The following ABLIM1 variants were observed in gnomAD, a reference collection of about 807,000 sequenced individuals.
ABLIM1 encodes the protein actin binding LIM protein 1.
ABLIM1 carries 40 observed loss-of-function variants against 107.0 expected under a neutral mutation model. The observed-to-expected ratio is 0.37, with a 90% CI of 0.29 to 0.49. ABLIM1 has a LOEUF of 0.49. ABLIM1 is among the 20% of genes least tolerant of loss of function. The pLI, the probability that ABLIM1 is intolerant of heterozygous loss-of-function variation, is 0.97. For synonymous variants in ABLIM1, 357 were observed against 357.3 expected, an observed-to-expected ratio of 1.00 and a Z score of 0.01; for missense variants, 857 against 1,008.5, an observed-to-expected ratio of 0.85 and a Z score of 2.04.
At chr10:114,533,062 A>G (rs900824569) in intron 6 of ABLIM1, among the ~76,000 whole-genome samples, 10 of 152,224 alleles carry the variant, frequency 6.6e-5, no homozygotes, top group Non-Finnish European at 1.2e-4. Flanking sequence ...TAAACTGGCC[A>G]GGTGCAGTGG....
chr10:114,547,124 G>T (rs2067452491), intron 5 of ABLIM1, among the ~76,000 whole-genome samples: 1 of 147,594 alleles, frequency 6.8e-6, no homozygotes, highest in South Asian at 2.2e-4. Context: ...AAAGGTATAC[G>T]GTGGAAAATT....
At chr10:114,787,430 G>A in the ABLIM1 span, among the ~76,000 whole-genome samples, 2 of 150,256 alleles carry the variant, frequency 1.3e-5, no homozygotes, top group Non-Finnish European at 3.0e-5. Context: ...CGCCCGGCCA[G>A]CCGCCCCATC....
intron 2 of ABLIM1, chr10:114,595,145 A>C (rs1259722265): frequency 1.3e-5 from 2 of 152,070 alleles, no homozygotes. Context: ...TGGCAAAAAA[A>C]AAAAAAAATA....
At chr10:114,659,178 AG>A (rs540690706), upstream of ABLIM1, among the ~76,000 whole-genome samples, 78 of 152,264 alleles carry the variant, frequency 5.1e-4, 2 homozygotes, top group South Asian at 0.016. Flanking sequence ...AGGCCATCAA[AG>A]GTAATCTAGT....
chr10:114,486,552 A>G (rs2058214598), intron 8 of ABLIM1, among the ~76,000 whole-genome samples: 1 of 152,216 alleles, frequency 6.6e-6, no homozygotes, highest in Admixed American at 6.5e-5. Context: ...CCCAGAGTCT[A>G]GAGCCCACAA....
intron 1 of ABLIM1, among the ~76,000 whole-genome samples, chr10:114,617,732 G>A (rs891335020): frequency 1.3e-5 from 2 of 152,102 alleles, no homozygotes; most frequent in African/African-American, 2.4e-5. Flanking sequence ...TGAAATTTTC[G>A]CACACTATTT....
At chr10:114,445,167 T>A (rs558134951) in intron 16 of ABLIM1, 145 bp downstream of exon 16, 1 of 682,790 alleles carries the variant, frequency 1.5e-6, no homozygotes, top group East Asian at 2.6e-5. Context: ...ACACCTGTCT[T>A]GCCTTGCCTG....
At chr10:114,636,188 G>A (rs185664213) in intron 1 of ABLIM1, among the ~76,000 whole-genome samples, 23 of 152,276 alleles carry the variant, frequency 1.5e-4, no homozygotes, top group Middle Eastern at 3.4e-3. Flanking sequence ...ACGTAATGAC[G>A]GGTCAAGTGC....
At chr10:114,720,485 C>T (rs2081815569) in intron 1 of ABLIM1, among the ~76,000 whole-genome samples, 1 of 152,126 alleles carries the variant, frequency 6.6e-6, no homozygotes, top group African/African-American at 2.4e-5. Flanking sequence ...TTTACTTTCC[C>T]AACAACAGTG....
intron 4 of ABLIM1, among the ~76,000 whole-genome samples, chr10:114,559,516 G>A (rs574799598): frequency 4.1e-4 from 62 of 151,040 alleles, no homozygotes; most frequent in Non-Finnish European, 8.1e-4. Flanking sequence ...ACCTTCATGA[G>A]TGAAAAGTTC....
At chr10:114,641,187 C>A (rs1276629249) in intron 1 of ABLIM1, among the ~76,000 whole-genome samples, 1 of 146,290 alleles carries the variant, frequency 6.8e-6, no homozygotes, top group Admixed American at 7.1e-5. Context: ...TAGACCCCCT[C>A]CTGATATTTT....
chr10:114,519,629 T>C (rs914617722), intron 6 of ABLIM1, among the ~76,000 whole-genome samples: 1 of 152,220 alleles, frequency 6.6e-6, no homozygotes, highest in African/African-American at 2.4e-5. Flanking sequence ...AGAAGTTGTA[T>C]TAAAAGGGCA....
chr10:114,704,302 C>CTCTCTCTCTCTATATATA (rs1380460034), intron 1 of ABLIM1, among the ~76,000 whole-genome samples: 2 of 43,090 alleles, frequency 4.6e-5, no homozygotes, highest in Non-Finnish European at 4.7e-5. Flanking sequence ...CTCTCTCTCT[C>CTCTCTCTCTCTATATATA]TATATATATA....
intron 1 of ABLIM1, among the ~76,000 whole-genome samples, chr10:114,697,463 C>T (rs2081220094): frequency 6.6e-6 from 1 of 152,254 alleles, no homozygotes; most frequent in African/African-American, 2.4e-5. Flanking sequence ...CCAGAGCCAG[C>T]CTCCGGGCCA....
intron 22 of ABLIM1, 106 bp from the exon 23 acceptor site, chr10:114,436,479 G>T: frequency 1.2e-6 from 1 of 830,358 alleles, no homozygotes. Flanking sequence ...GAAGAACAAG[G>T]CAGGAGGACG....
intron 1 of ABLIM1, among the ~76,000 whole-genome samples, chr10:114,641,116 A>G (rs1424673751): frequency 6.6e-6 from 1 of 152,146 alleles, no homozygotes; most frequent in African/African-American, 2.4e-5. Context: ...ACTTGAAGGT[A>G]TAAGGAGACT....
chr10:114,769,422 G>GAAA (rs1491588873), upstream of ABLIM1, among the ~76,000 whole-genome samples: 263 of 51,860 alleles, frequency 5.1e-3, 4 homozygotes, highest in East Asian at 0.024. Context: ...AAGAAAAGAA[G>GAAA]GAAAGAAAGA....
chr10:114,495,605 G>A (rs1219224341), intron 6 of ABLIM1, among the ~76,000 whole-genome samples: 1 of 152,126 alleles, frequency 6.6e-6, no homozygotes, highest in African/African-American at 2.4e-5. Context: ...TGACGATGAT[G>A]TGGTGGTGAT....
intron 1 of ABLIM1, among the ~76,000 whole-genome samples, chr10:114,664,161 C>T (rs1037863946): frequency 2.0e-5 from 3 of 152,172 alleles, no homozygotes; most frequent in African/African-American, 4.8e-5. Flanking sequence ...TCACAGAACT[C>T]CTGTAGTTTA....
Sources: gnomAD v4.1 joint callset for allele counts (sites outside exome capture counted in the v4.1 genomes callset) on GRCh38, gnomAD v4.1.1 for gene constraint, MANE v1.5 for transcripts, NCBI Gene and HGNC (gene_info 2026-07-23, HGNC 2026-07-21) for gene names.